The following WWOX variants were observed in gnomAD, a reference collection of about 807,000 sequenced individuals.
The protein encoded by WWOX is WW domain-containing oxidoreductase.
Under a neutral mutation model 46.2 loss-of-function variants are expected in WWOX, and 69 were observed. The observed-to-expected ratio is 1.49, with a 90% CI of 1.23 to 1.82. The LOEUF (loss-of-function observed/expected upper bound fraction) is 1.82. Ranked by LOEUF, WWOX falls within the 40% of genes most tolerant of loss-of-function variation. The pLI is 0.00. For synonymous variants in WWOX, 359 were observed against 202.6 expected (o/e 1.77, Z -6.56); for missense variants, 919 against 542.6 (o/e 1.69, Z -6.89).
At chr16:78,768,989 C>T (rs1056800702) in intron 8 of WWOX, among the ~76,000 whole-genome samples, 1 of 152,158 alleles carries the variant, frequency 6.6e-6, no homozygotes, top group African/African-American at 2.4e-5. Context: ...AGGTGTGGTT[C>T]AAAGATGCTT....
At chr16:78,978,375 A>G (rs1271782926) in intron 8 of WWOX, among the ~76,000 whole-genome samples, 1 of 152,178 alleles carries the variant, frequency 6.6e-6, no homozygotes, top group Non-Finnish European at 1.5e-5. Context: ...GTGCTGGGTC[A>G]CGCAGTAATT....
chr16:78,860,138 C>T (rs2052681952), intron 8 of WWOX, among the ~76,000 whole-genome samples: 2 of 152,212 alleles, frequency 1.3e-5, no homozygotes, highest in Non-Finnish European at 2.9e-5. Context: ...AGCTCCCATC[C>T]TTATTCCATC....
chr16:78,413,203 CA>C (rs540738495), intron 6 of WWOX, among the ~76,000 whole-genome samples: 75 of 152,274 alleles, frequency 4.9e-4, no homozygotes, highest in Non-Finnish European at 9.6e-4. Context: ...CCCGAGAATT[CA>C]GGGATCGGAG....
At chr16:78,774,586 G>A (rs770146025) in intron 8 of WWOX, among the ~76,000 whole-genome samples, 3 of 151,516 alleles carry the variant, frequency 2.0e-5, no homozygotes, top group Non-Finnish European at 4.4e-5. Context: ...CCACACATAT[G>A]CACATAAGAT....
intron 8 of WWOX, among the ~76,000 whole-genome samples, chr16:78,984,355 A>G (rs898712979): frequency 3.3e-5 from 5 of 152,150 alleles, no homozygotes; most frequent in Non-Finnish European, 7.3e-5. Context: ...GAATCAGCAA[A>G]TGTTTTCTAT....
chr16:78,871,704 A>G (rs1442889023), intron 8 of WWOX, among the ~76,000 whole-genome samples: 4 of 152,162 alleles, frequency 2.6e-5, no homozygotes, highest in Admixed American at 6.5e-5. Context: ...GGTTCAAGCA[A>G]TTCTCCTGCC....
At chr16:78,991,169 G>T (rs8055351) in intron 8 of WWOX, among the ~76,000 whole-genome samples, 11,162 of 152,246 alleles carry the variant, frequency 0.073, 803 homozygotes, top group African/African-American at 0.17. Flanking sequence ...CCTTGTCAAA[G>T]TCAAAGAAGA....
chr16:78,818,489 G>T (rs1485182882), intron 8 of WWOX, among the ~76,000 whole-genome samples: 3 of 152,188 alleles, frequency 2.0e-5, no homozygotes, highest in Non-Finnish European at 4.4e-5. Context: ...CCAGCACTTC[G>T]GGAGGCCACG....
chr16:79,015,444 A>C (rs12447246), intron 8 of WWOX, among the ~76,000 whole-genome samples: 46,688 of 152,132 alleles, frequency 0.31, 7,522 homozygotes, highest in Admixed American at 0.4. Context: ...GTGAGGATTT[A>C]AGAGTTAACC....
chr16:78,501,410 A>C (rs1320170272), intron 8 of WWOX, among the ~76,000 whole-genome samples: 1 of 152,104 alleles, frequency 6.6e-6, no homozygotes, highest in Admixed American at 6.5e-5. Flanking sequence ...AATGTGTAAG[A>C]AATTGAGACA....
chr16:78,798,323 G>C (rs912520903), intron 8 of WWOX, among the ~76,000 whole-genome samples: 3 of 151,922 alleles, frequency 2.0e-5, no homozygotes, highest in Non-Finnish European at 2.9e-5. Flanking sequence ...GAAAAAAAAA[G>C]AAAAAAATCT....
intron 5 of WWOX, among the ~76,000 whole-genome samples, chr16:78,374,246 C>G (rs1439187691): frequency 6.6e-6 from 1 of 152,108 alleles, no homozygotes; most frequent in Non-Finnish European, 1.5e-5. Context: ...TCTTGAAAGT[C>G]TTACGTACAT....
chr16:78,893,417 T>G (rs1727598577), intron 8 of WWOX, among the ~76,000 whole-genome samples: 1 of 152,128 alleles, frequency 6.6e-6, no homozygotes, highest in African/African-American at 2.4e-5. Context: ...TTAAATAGTT[T>G]GGATTGACTT....
At chr16:78,961,837 A>G (rs1195946843) in intron 8 of WWOX, among the ~76,000 whole-genome samples, 2 of 152,154 alleles carry the variant, frequency 1.3e-5, no homozygotes, top group Admixed American at 6.5e-5. Context: ...TATTTCTGCT[A>G]CATCTTCCAT....
intron 8 of WWOX, among the ~76,000 whole-genome samples, chr16:79,096,857 C>T (rs547639057): frequency 2.0e-5 from 3 of 151,990 alleles, no homozygotes; most frequent in African/African-American, 4.8e-5. Flanking sequence ...AGCTTGAAGC[C>T]GAGGTTTGTG....
chr16:78,215,731 C>T (rs2036697379), intron 5 of WWOX, among the ~76,000 whole-genome samples: 1 of 151,998 alleles, frequency 6.6e-6, no homozygotes, highest in African/African-American at 2.4e-5. Flanking sequence ...AGTTTGAGAC[C>T]ATCCTGGCCA....
chr16:78,546,344 C>A (rs1362227970), intron 8 of WWOX, among the ~76,000 whole-genome samples: 1 of 152,026 alleles, frequency 6.6e-6, no homozygotes, highest in Non-Finnish European at 1.5e-5. Flanking sequence ...GTAGTGTGAT[C>A]AGAACTTTAA....
intron 8 of WWOX, among the ~76,000 whole-genome samples, chr16:78,635,996 C>G (rs912807435): frequency 6.6e-6 from 1 of 152,178 alleles, no homozygotes; most frequent in East Asian, 1.9e-4. Flanking sequence ...AATTCCGTAA[C>G]TCATCCTGCC....
At chr16:79,186,320 G>C (rs992381450) in intron 8 of WWOX, among the ~76,000 whole-genome samples, 52 of 152,236 alleles carry the variant, frequency 3.4e-4, no homozygotes, top group Non-Finnish European at 3.4e-4. Context: ...TGAGACCACA[G>C]TGTGGACAGG....
Sources: gnomAD v4.1 joint callset for allele counts (sites outside exome capture counted in the v4.1 genomes callset) on GRCh38, gnomAD v4.1.1 for gene constraint, MANE v1.5 for transcripts, NCBI Gene and HGNC (gene_info 2026-07-23, HGNC 2026-07-21) for gene names.